The following TTC28 variants were observed in gnomAD, a reference collection of about 807,000 sequenced individuals.
TTC28 encodes the protein tetratricopeptide repeat domain 28, also known as tetratricopeptide repeat protein 28.
In TTC28, 61 loss-of-function variants were observed where a neutral mutation model predicts 198.0. The observed-to-expected ratio is 0.31, with a 90% confidence interval of 0.25 to 0.38. The LOEUF is 0.38. TTC28 is among the 10% of genes least tolerant of loss of function. The probability of loss-of-function intolerance (pLI) is 1.00; values close to 1 mark genes in which losing one functional copy is unlikely to be tolerated. For missense variants in TTC28, 2,678 were observed against 3,164.0 expected, an observed-to-expected ratio of 0.85 and a Z score of 3.69; for synonymous variants, 1,171 against 1,297.8, an observed-to-expected ratio of 0.90 and a Z score of 2.10.
intron 2 of TTC28, among the ~76,000 whole-genome samples, chr22:28,426,591 GA>G (rs2047354231): frequency 1.3e-5 from 2 of 152,086 alleles, no homozygotes; most frequent in African/African-American, 4.8e-5. Context: ...AGGAATAAGG[GA>G]ACCACTCGGT....
At chr22:28,196,754 T>C (rs1169200859) in intron 5 of TTC28, among the ~76,000 whole-genome samples, 1 of 152,058 alleles carries the variant, frequency 6.6e-6, no homozygotes, top group African/African-American at 2.4e-5. Flanking sequence ...TGGCGATCAT[T>C]AAAAAGTCAG....
chr22:28,040,192 A>T (rs1333490793), intron 12 of TTC28, among the ~76,000 whole-genome samples: 1 of 152,224 alleles, frequency 6.6e-6, no homozygotes, highest in Non-Finnish European at 1.5e-5. Context: ...GTCTGAAACT[A>T]TTCCAATCAA....
chr22:27,988,351 G>C (rs758353677), intron 21 of TTC28, among the ~76,000 whole-genome samples: 5 of 150,192 alleles, frequency 3.3e-5, no homozygotes, highest in Non-Finnish European at 4.4e-5. Flanking sequence ...ACAGTGGCGC[G>C]ATCTCGGCTC....
At chr22:28,413,379 A>C (rs920371960) in intron 2 of TTC28, among the ~76,000 whole-genome samples, 8 of 152,168 alleles carry the variant, frequency 5.3e-5, no homozygotes, top group African/African-American at 1.7e-4. Flanking sequence ...CGGGGCTTGC[A>C]GTGAGCCTAG....
rs116262563 is a variant in TTC28, at chr22:28,079,348, A to C, written c.3932+14732T>G. Among the ~76,000 whole-genome samples the C allele has an allele frequency of 8.6e-3, 1,311 of 152,324 alleles. 20 individuals are homozygous for C. The highest frequency in any genetic ancestry group is 0.03 in the African/African-American group (1,260 of 41,562). Reference sequence around the variant, plus strand: ...GATTGATTAAATATGTATTTTTAAAATACTTTAAAAATTTGTGATAAAAAC... The same window carrying C: ...GATTGATTAAATATGTATTTTTAAACTACTTTAAAAATTTGTGATAAAAAC... On this transcript the variant is annotated intron_variant, in intron 12 of 22. Coordinates refer to ENST00000397906, the MANE Select transcript of TTC28 (RefSeq NM_001145418.2).
At chr22:28,273,533 A>T (rs1030515507) in intron 5 of TTC28, among the ~76,000 whole-genome samples, 1 of 152,156 alleles carries the variant, frequency 6.6e-6, no homozygotes, top group Admixed American at 6.6e-5. Context: ...AGAATATAGG[A>T]TAGTAAAAAA....
intron 2 of TTC28, among the ~76,000 whole-genome samples, chr22:28,587,031 G>A (rs1442781117): frequency 1.3e-5 from 2 of 152,118 alleles, no homozygotes; most frequent in Admixed American, 1.3e-4. Context: ...AGACCAGCCT[G>A]GCCAACATGG....
intron 2 of TTC28, among the ~76,000 whole-genome samples, chr22:28,416,842 T>C (rs906526914): frequency 6.6e-6 from 1 of 152,232 alleles, no homozygotes; most frequent in Non-Finnish European, 1.5e-5. Context: ...ACTCCTATGA[T>C]AAAACTTTAT....
intron 11 of TTC28, among the ~76,000 whole-genome samples, chr22:28,095,066 G>A (rs1410307448): frequency 6.6e-6 from 1 of 152,090 alleles, no homozygotes; most frequent in African/African-American, 2.4e-5. Context: ...AACAACCACA[G>A]AGAGAAGGAG....
intron 2 of TTC28, among the ~76,000 whole-genome samples, chr22:28,605,514 A>G (rs1024960991): frequency 1.3e-5 from 2 of 152,148 alleles, no homozygotes; most frequent in Non-Finnish European, 2.9e-5. Context: ...GAAACCTTTC[A>G]ATCACTTTTT....
chr22:28,582,564 T>C (rs929732848), intron 2 of TTC28, among the ~76,000 whole-genome samples: 1 of 152,120 alleles, frequency 6.6e-6, no homozygotes, highest in Non-Finnish European at 1.5e-5. Flanking sequence ...TGAAATGATA[T>C]ATGCTAAATT....
chr22:28,471,619 G>T (rs908798502), intron 2 of TTC28, among the ~76,000 whole-genome samples: 4 of 152,078 alleles, frequency 2.6e-5, no homozygotes, highest in African/African-American at 9.7e-5. Context: ...GATTACTCAT[G>T]AACTCCAAAT....
At chr22:28,054,089 T>C (rs1940185000) in intron 12 of TTC28, among the ~76,000 whole-genome samples, 1 of 152,140 alleles carries the variant, frequency 6.6e-6, no homozygotes, top group Non-Finnish European at 1.5e-5. Context: ...AGGGCACAAA[T>C]GCTGGGTATC....
chr22:28,537,064 C>A (rs887206383), intron 2 of TTC28, among the ~76,000 whole-genome samples: 1 of 151,736 alleles, frequency 6.6e-6, no homozygotes. Flanking sequence ...GAGGCCGAGG[C>A]AGGCGGATCA....
At chr22:28,193,836 T>TGAGA (rs1353442850) in intron 5 of TTC28, among the ~76,000 whole-genome samples, 2 of 152,068 alleles carry the variant, frequency 1.3e-5, no homozygotes, top group African/African-American at 2.4e-5. Context: ...GCAAGAATAA[T>TGAGA]GAGAGACTTT....
At chr22:28,428,793 C>G (rs1468293011) in intron 2 of TTC28, among the ~76,000 whole-genome samples, 1 of 151,900 alleles carries the variant, frequency 6.6e-6, no homozygotes, top group Non-Finnish European at 1.5e-5. Flanking sequence ...CACCCGCCAC[C>G]ACGCCCGGCT....
At position 27,983,831 on chromosome 22, in the gene TTC28, G is replaced by A. The variant is rs755394179; in HGVS notation, c.5836C>T (p.Arg1946Cys). Residue 1946 changes from arginine to cysteine, a missense_variant, in exon 23 of 23, where the codon CGC becomes TGC. Arg to Cys is a radical substitution (Grantham distance 180). This residue lies in a region of TTC28 where 314 missense variants were observed against 442.7 expected (regional missense o/e 0.71). Transcript: ENST00000397906. ...SLFDSTELPKRLSLDSSSSLE... is the reference protein window; with the variant it reads ...SLFDSTELPKCLSLDSSSSLE... Reference sequence around the variant, plus strand: ...GAGGAGGAGCTGTCAAGGCTGAGGCGCTTGGGTAGCTCAGTAGAATCTAAG... The same window carrying A: ...GAGGAGGAGCTGTCAAGGCTGAGGCACTTGGGTAGCTCAGTAGAATCTAAG... 3.9e-6 allele frequency: 6 copies of A among 1,551,488 alleles called. No individual in the cohort carries two copies. Among genetic ancestry groups the A allele is most frequent in the East Asian group, 2.4e-5 (1 of 40,914 alleles).
chr22:28,504,488 T>C (rs2048577864), intron 2 of TTC28, among the ~76,000 whole-genome samples: 1 of 152,064 alleles, frequency 6.6e-6, no homozygotes, highest in Non-Finnish European at 1.5e-5. Context: ...AATTCCACAC[T>C]TCCTCTATTG....
At chr22:28,403,991 G>C (rs994909314) in intron 2 of TTC28, among the ~76,000 whole-genome samples, 1 of 152,158 alleles carries the variant, frequency 6.6e-6, no homozygotes, top group African/African-American at 2.4e-5. Context: ...TCATCATGTG[G>C]CTTTGGCTTG....
Sources: allele counts gnomAD v4.1 joint callset (sites outside exome capture counted in the v4.1 genomes callset), GRCh38; gene constraint gnomAD v4.1.1; regional missense constraint gnomAD v4.1.1; transcripts MANE v1.5; gene names NCBI Gene and HGNC (gene_info 2026-07-23, HGNC 2026-07-21).